PLEKHA5: variants seen among roughly 807,000 people sequenced by gnomAD.
PLEKHA5 encodes the protein pleckstrin homology domain containing A5, also known as pleckstrin homology domain-containing family A member 5.
A neutral mutation model predicts 181.9 loss-of-function variants in PLEKHA5; 55 were observed. The ratio of observed to expected loss-of-function variants is 0.30; its 90% CI spans 0.24 to 0.38. PLEKHA5 has a LOEUF of 0.38. PLEKHA5 is among the 10% of genes least tolerant of loss of function. PLEKHA5 has a pLI of 1.00. For synonymous variants in PLEKHA5, 535 were observed against 529.4 expected (o/e 1.01, Z -0.15); for missense variants, 1,432 against 1,549.5 (o/e 0.92, Z 1.27).
intron 3 of PLEKHA5, among the ~76,000 whole-genome samples, chr12:19,204,279 G>A (rs1448473994): frequency 1.3e-5 from 2 of 152,076 alleles, no homozygotes. Context: ...AGATGGGTCA[G>A]CCCCACTCTG....
chr12:19,147,686 A>C (rs1319362788), intron 3 of PLEKHA5, among the ~76,000 whole-genome samples: 1 of 151,888 alleles, frequency 6.6e-6, no homozygotes, highest in Non-Finnish European at 1.5e-5. Flanking sequence ...AGTAAAAGAA[A>C]CTTATGCCTC....
intron 3 of PLEKHA5, among the ~76,000 whole-genome samples, chr12:19,218,619 C>G (rs1035880690): frequency 1.8e-4 from 27 of 151,918 alleles, no homozygotes; most frequent in African/African-American, 6.3e-4. Context: ...AAATGTTTCT[C>G]CATAAAATAT....
chr12:19,303,902 ACC>A (rs1480516709), intron 15 of PLEKHA5: 2 of 137,954 alleles, frequency 1.4e-5, no homozygotes, highest in East Asian at 4.2e-4. Context: ...TGCAGCCTCA[ACC>A]CCCTAGGCTG....
intron 14 of PLEKHA5, among the ~76,000 whole-genome samples, chr12:19,291,241 A>G (rs1023721924): frequency 2.6e-5 from 4 of 152,162 alleles, no homozygotes; most frequent in African/African-American, 9.7e-5. Context: ...AAAATGTCTT[A>G]TTTTTAATGA....
chr12:19,206,665 A>G (rs1265317457), intron 3 of PLEKHA5, among the ~76,000 whole-genome samples: 1 of 152,014 alleles, frequency 6.6e-6, no homozygotes, highest in African/African-American at 2.4e-5. Context: ...AAATATCTTT[A>G]TTTTGTGAAC....
At chr12:19,167,058 T>C (rs897148310) in intron 3 of PLEKHA5, among the ~76,000 whole-genome samples, 4 of 152,190 alleles carry the variant, frequency 2.6e-5, no homozygotes, top group African/African-American at 9.7e-5. Flanking sequence ...CACACACCCA[T>C]GCCCCACCTT....
At chr12:19,178,198 A>T (rs2047749227) in intron 3 of PLEKHA5, among the ~76,000 whole-genome samples, 1 of 152,198 alleles carries the variant, frequency 6.6e-6, no homozygotes, top group African/African-American at 2.4e-5. Flanking sequence ...ACGTGAAAAA[A>T]ACTGAGGATG....
At chr12:19,248,679 A>G (rs1372534719) in intron 3 of PLEKHA5, among the ~76,000 whole-genome samples, 6 of 152,160 alleles carry the variant, frequency 3.9e-5, no homozygotes, top group South Asian at 2.1e-4. Context: ...GGCAGTACCA[A>G]CTAGGTTTGT....
At chr12:19,347,237 G>A in intron 24 of PLEKHA5, 55 bp downstream of exon 24, 1 of 1,034,018 alleles carries the variant, frequency 9.7e-7, no homozygotes, top group Non-Finnish European at 1.4e-6. Flanking sequence ...TCTCATTTTT[G>A]AAAATTAATT....
At chr12:19,352,838 A>C (rs2094681003) in intron 25 of PLEKHA5, among the ~76,000 whole-genome samples, 1 of 151,692 alleles carries the variant, frequency 6.6e-6, no homozygotes, top group Non-Finnish European at 1.5e-5. Flanking sequence ...TCTGTTGCCC[A>C]GGCTGGAGTG....
chr12:19,311,792 G>T (rs2152989312), intron 15 of PLEKHA5, among the ~76,000 whole-genome samples: 1 of 152,124 alleles, frequency 6.6e-6, no homozygotes, highest in African/African-American at 2.4e-5. Flanking sequence ...TCAAACTTCT[G>T]TTAATGTTGC....
chr12:19,172,459 G>T (rs113485370), intron 3 of PLEKHA5, among the ~76,000 whole-genome samples: 5 of 150,904 alleles, frequency 3.3e-5, no homozygotes, highest in Non-Finnish European at 7.4e-5. Flanking sequence ...CAAACGACCC[G>T]GGGGGGCAAA....
At chr12:19,353,063 C>T (rs142207396) in intron 25 of PLEKHA5, among the ~76,000 whole-genome samples, 1 of 151,928 alleles carries the variant, frequency 6.6e-6, no homozygotes, top group East Asian at 1.9e-4. Flanking sequence ...GCTAGGATTA[C>T]AGGCATGAAC....
intron 3 of PLEKHA5, among the ~76,000 whole-genome samples, chr12:19,147,521 G>C (rs146572182): frequency 5.3e-5 from 8 of 152,176 alleles, no homozygotes; most frequent in Admixed American, 5.2e-4. Context: ...GGATACCCAG[G>C]AGTGACTATG....
chr12:19,310,906 C>T (rs1229848414), intron 15 of PLEKHA5, among the ~76,000 whole-genome samples: 1 of 152,086 alleles, frequency 6.6e-6, no homozygotes, highest in Non-Finnish European at 1.5e-5. Flanking sequence ...TAATGATCAT[C>T]TGAGCCTTCA....
At chr12:19,373,852 C>T (rs552408362) in intron 31 of PLEKHA5, among the ~76,000 whole-genome samples, 5 of 152,164 alleles carry the variant, frequency 3.3e-5, no homozygotes, top group Non-Finnish European at 7.3e-5. Context: ...TATGACTGTA[C>T]ACATATCCTT....
chr12:19,265,701 C>T, intron 7 of PLEKHA5, 49 bp from the exon 8 acceptor site: 1 of 1,076,280 alleles, frequency 9.3e-7, no homozygotes, highest in Non-Finnish European at 1.4e-6. Flanking sequence ...AAAAACTTTG[C>T]TTCATAAGAA....
At chr12:19,174,958 G>T (rs563611295) in intron 3 of PLEKHA5, among the ~76,000 whole-genome samples, 87 of 152,112 alleles carry the variant, frequency 5.7e-4, no homozygotes, top group Non-Finnish European at 1.1e-3. Flanking sequence ...TGCATATGTA[G>T]CATTTTAACA....
chr12:19,298,494 G>A (rs992608267), intron 15 of PLEKHA5, among the ~76,000 whole-genome samples: 15 of 131,464 alleles, frequency 1.1e-4, no homozygotes, highest in South Asian at 2.6e-4. Context: ...TCAGCCTCCC[G>A]AGTAGCTGTG....
Sources: allele counts gnomAD v4.1 joint callset (sites outside exome capture counted in the v4.1 genomes callset), GRCh38; gene constraint gnomAD v4.1.1; transcripts MANE v1.5; gene names NCBI Gene and HGNC (gene_info 2026-07-23, HGNC 2026-07-21).